ADIPOR2: variants seen among roughly 807,000 people sequenced by gnomAD.
The protein encoded by ADIPOR2 is adiponectin receptor 2.
ADIPOR2 carries 18 observed loss-of-function variants against 40.9 expected under a neutral mutation model. The ratio of observed to expected loss-of-function variants is 0.44; its 90% confidence interval spans 0.30 to 0.65. The LOEUF is 0.65. Among genes scored for constraint, ADIPOR2 ranks in the 30% least tolerant of loss-of-function variants. The pLI is 0.09. For missense variants in ADIPOR2, 283 were observed against 479.2 expected (o/e 0.59, Z 3.82); for synonymous variants, 165 against 166.4 (o/e 0.99, Z 0.06).
chr12:1,728,681 G>A lies in ADIPOR2; in HGVS notation c.-86-25577G>A, dbSNP rs1423358194. Among the ~76,000 whole-genome samples the A allele has an allele frequency of 2.6e-5, 4 of 151,840 alleles. No individual in the cohort carries two copies. In the South Asian group the frequency reaches 6.2e-4, roughly 24 times the overall value. The stretch of plus-strand genomic sequence containing the variant: ...GGAGGTTACAGTGAGCCAAGATGGC[G>A]CCATTGCACTCTAGGCTGGGCGACA... On this transcript the variant is annotated intron_variant, in intron 1 of 7. Coordinates refer to ENST00000357103, the MANE Select transcript of ADIPOR2 (RefSeq NM_024551.3).
At chr12:1,721,205 C>CTTTT (rs59268943) in intron 1 of ADIPOR2, among the ~76,000 whole-genome samples, 2 of 58,208 alleles carry the variant, frequency 3.4e-5, no homozygotes, top group African/African-American at 7.1e-5. Context: ...ATAAAATAAA[C>CTTTT]TTTTTTTTTT....
Position 1,777,907 on chromosome 12 carries a change from C to T in ADIPOR2, c.345C>T (p.Leu115=), listed in dbSNP as rs1383920314. The part of the protein sequence containing the change: ...VIPHDVLPDW[L]KDNDFLLHGH... ...CTCATGATGTACTACCAGACTGGCT[C>T]AAGGATAATGACTTCCTCTTGCATG... The change falls in exon 4 of 8, where the codon CTC becomes CTT. Residue 115 remains leucine, a synonymous_variant. Coordinates refer to ENST00000357103, the MANE Select transcript of ADIPOR2 (RefSeq NM_024551.3). 1 of 1,613,970 alleles carries T rather than the reference C, an allele frequency of 6.2e-7. No homozygotes were observed. Among genetic ancestry groups the T allele is most frequent in the Non-Finnish European group, 8.5e-7 (1 of 1,179,986 alleles).
intron 1 of ADIPOR2, among the ~76,000 whole-genome samples, chr12:1,752,549 T>C (rs1460733909): frequency 3.9e-5 from 6 of 152,204 alleles, no homozygotes; most frequent in Admixed American, 2.0e-4. Flanking sequence ...CCAGTCTTAA[T>C]TTTGTTGCAC....
At chr12:1,747,638 C>T (rs1400963251) in intron 1 of ADIPOR2, among the ~76,000 whole-genome samples, 2 of 152,096 alleles carry the variant, frequency 1.3e-5, no homozygotes, top group South Asian at 2.1e-4. Context: ...TTTTTAAAAT[C>T]TGAGAAGGTC....
At chr12:1,746,641 T>C (rs1305279972) in intron 1 of ADIPOR2, among the ~76,000 whole-genome samples, 5 of 152,302 alleles carry the variant, frequency 3.3e-5, no homozygotes, top group Admixed American at 2.6e-4. Flanking sequence ...ATTGACCTCA[T>C]TGAGCAACAG....
chr12:1,713,935 G>T (rs1240255398), intron 1 of ADIPOR2, among the ~76,000 whole-genome samples: 3 of 152,022 alleles, frequency 2.0e-5, no homozygotes, highest in Non-Finnish European at 4.4e-5. Flanking sequence ...TCAATTTCCT[G>T]GCCCTCAATG....
intron 1 of ADIPOR2, among the ~76,000 whole-genome samples, chr12:1,737,012 G>T (rs540480101): frequency 3.9e-4 from 59 of 152,230 alleles, no homozygotes; most frequent in African/African-American, 1.4e-3. Flanking sequence ...AGCCAGAAGG[G>T]CCCGATTTTG....
At chr12:1,699,184 T>C (rs1170232128) in intron 1 of ADIPOR2, among the ~76,000 whole-genome samples, 2 of 152,180 alleles carry the variant, frequency 1.3e-5, no homozygotes, top group East Asian at 3.8e-4. Flanking sequence ...GCAGTTCCGG[T>C]ATATAGCAGG....
chr12:1,756,714 A>G (rs2154443598), intron 2 of ADIPOR2, among the ~76,000 whole-genome samples: 1 of 152,260 alleles, frequency 6.6e-6, no homozygotes, highest in Admixed American at 6.5e-5. Context: ...ACAGAATGGA[A>G]GAGGGACCCA....
At position 1,754,266 on chromosome 12, in the gene ADIPOR2, C is replaced by T. The variant is rs530171273; in HGVS notation, c.-78C>T. 5 of 1,366,896 alleles carry T rather than the reference C, an allele frequency of 3.7e-6. No individual in the cohort carries two copies. Among genetic ancestry groups the T allele is most frequent in the East Asian group, 2.5e-5 (1 of 39,616 alleles). The allele number at this position is 1,366,896 out of a possible 1,614,324, so 84.7% of individuals were successfully genotyped here. On this transcript the variant is annotated 5_prime_UTR_variant, in exon 2 of 8. Transcript: ENST00000357103. ...AACTTTCATCTTCTTAGGATCAACT[C>T]ACTATCCTGAAGGTCCATTCTCCCA...
intron 1 of ADIPOR2, among the ~76,000 whole-genome samples, chr12:1,733,228 T>C (rs1274955280): frequency 1.3e-5 from 2 of 152,358 alleles, no homozygotes; most frequent in East Asian, 3.9e-4. Flanking sequence ...TCTTGATTAC[T>C]TCAGAACTTT....
At chr12:1,759,283 G>C (rs975760408) in intron 2 of ADIPOR2, among the ~76,000 whole-genome samples, 1 of 152,168 alleles carries the variant, frequency 6.6e-6, no homozygotes, top group Non-Finnish European at 1.5e-5. Flanking sequence ...TAACAATTTT[G>C]CATCATTTTC....
At chr12:1,699,796 G>T (rs1592569504) in intron 1 of ADIPOR2, among the ~76,000 whole-genome samples, 1 of 152,142 alleles carries the variant, frequency 6.6e-6, no homozygotes, top group Admixed American at 6.5e-5. Flanking sequence ...AAGTACATTT[G>T]GTATTTAGAA....
At chr12:1,754,682 TATC>T in intron 2 of ADIPOR2, among the ~76,000 whole-genome samples, 168 bp downstream of exon 2, 1 of 116,866 alleles carries the variant, frequency 8.6e-6, no homozygotes, top group African/African-American at 2.9e-5. Context: ...TGAAGTCTCT[TATC>T]TTTATTATTA....
In ADIPOR2 at chr12:1,705,851, G is replaced by A. The variant is rs536164038; in HGVS notation, c.-87+14660G>A. Among the ~76,000 whole-genome samples the A allele has an allele frequency of 5.9e-5, 9 of 152,296 alleles. No individual in the cohort carries two copies. The East Asian group carries it at 1.7e-3, about 29-fold the overall frequency. ...GAAGTCCTATAAGATGGTGATAAAA[G>A]CATGGACTTTGAAGTCAGATAGATA... On this transcript the variant is annotated intron_variant, in intron 1 of 7. Coordinates refer to ENST00000357103, the MANE Select transcript of ADIPOR2 (RefSeq NM_024551.3).
rs527291328 is a variant in ADIPOR2, at chr12:1,764,548, T to G, written c.172-8294T>G. 2.3e-5 allele frequency among the ~76,000 whole-genome samples: 3 copies of G among 129,182 alleles called. No homozygotes were observed. In the South Asian group the frequency reaches 8.1e-4, roughly 35 times the overall value. The allele number at this position is 129,182 out of a possible 152,430, so 84.7% of individuals were successfully genotyped here. A position where few individuals can be genotyped will look rare whatever the true frequency, so the allele number is the denominator to read the frequency against. ...CAAAGAAAAACAACAAAAACCTTAT[T>G]AAAGTATTAAACACACACACACACA... is the stretch of plus-strand genomic sequence containing the variant. On this transcript the variant is annotated intron_variant, in intron 2 of 7. Coordinates refer to ENST00000357103, the MANE Select transcript of ADIPOR2 (RefSeq NM_024551.3).
intron 1 of ADIPOR2, among the ~76,000 whole-genome samples, chr12:1,743,195 T>G (rs1284613303): frequency 8.1e-6 from 1 of 124,156 alleles, no homozygotes; most frequent in Non-Finnish European, 1.6e-5. Context: ...GGTTTGAGAC[T>G]GGCCTGGCCA....
At chr12:1,712,777 C>G (rs761119335) in intron 1 of ADIPOR2, among the ~76,000 whole-genome samples, 2 of 152,014 alleles carry the variant, frequency 1.3e-5, no homozygotes, top group Non-Finnish European at 2.9e-5. Flanking sequence ...TCCAAGGAAC[C>G]CCCGCAACTG....
chr12:1,705,715 G>A (rs905593493), intron 1 of ADIPOR2, among the ~76,000 whole-genome samples: 8 of 152,144 alleles, frequency 5.3e-5, no homozygotes, highest in South Asian at 2.1e-4. Context: ...GAGGATAACC[G>A]TTGTAATATG....
Sources: gnomAD v4.1 joint callset for allele counts (sites outside exome capture counted in the v4.1 genomes callset) on GRCh38, gnomAD v4.1.1 for gene constraint, MANE v1.5 for transcripts, NCBI Gene and HGNC (gene_info 2026-07-23, HGNC 2026-07-21) for gene names.